The following NAALADL2 variants were observed in gnomAD, a reference collection of about 807,000 sequenced individuals.
NAALADL2 encodes N-acetylated alpha-linked acidic dipeptidase like 2.
NAALADL2 carries 76 observed loss-of-function variants against 87.2 expected under a neutral mutation model. The ratio of observed to expected loss-of-function variants is 0.87; its 90% confidence interval spans 0.72 to 1.05. NAALADL2 has a LOEUF of 1.05. Among genes scored for constraint, NAALADL2 ranks in the 50% least tolerant of loss-of-function variants. The probability of loss-of-function intolerance (pLI) is 0.00; values close to 1 mark genes in which losing one functional copy is unlikely to be tolerated. For missense variants in NAALADL2, 1,089 were observed against 945.8 expected (o/e 1.15, Z -1.99); for synonymous variants, 354 against 331.0 (o/e 1.07, Z -0.75).
intron 1 of NAALADL2, among the ~76,000 whole-genome samples, chr3:174,931,238 T>A (rs1736847025): frequency 6.6e-6 from 1 of 152,144 alleles, no homozygotes; most frequent in African/African-American, 2.4e-5. Context: ...AAATTATATA[T>A]TCATGTAAAA....
chr3:174,568,847 C>A (rs947382770), intron 2 of NAALADL2, among the ~76,000 whole-genome samples: 3 of 150,734 alleles, frequency 2.0e-5, no homozygotes, highest in Non-Finnish European at 3.0e-5. Context: ...AATTATTATT[C>A]TTTTTTTAAG....
At chr3:174,663,508 C>T (rs1725693501) in intron 2 of NAALADL2, among the ~76,000 whole-genome samples, 1 of 152,050 alleles carries the variant, frequency 6.6e-6, no homozygotes, top group African/African-American at 2.4e-5. Flanking sequence ...GGGGAGATGG[C>T]TTGTCACAGG....
intron 1 of NAALADL2, among the ~76,000 whole-genome samples, chr3:174,532,988 G>C (rs557348685): frequency 1.3e-5 from 2 of 151,440 alleles, no homozygotes; most frequent in African/African-American, 4.9e-5. Flanking sequence ...ACAGTACCAG[G>C]TATAATCAGT....
At chr3:174,714,343 C>A (rs1388064784) in intron 2 of NAALADL2, among the ~76,000 whole-genome samples, 1 of 152,072 alleles carries the variant, frequency 6.6e-6, no homozygotes, top group Non-Finnish European at 1.5e-5. Flanking sequence ...TGAAGAAAGT[C>A]GTTGGTAGCT....
chr3:174,892,028 C>T (rs1248303227), intron 1 of NAALADL2, among the ~76,000 whole-genome samples: 1 of 152,082 alleles, frequency 6.6e-6, no homozygotes, highest in Admixed American at 6.6e-5. Flanking sequence ...TGGGGTGCCC[C>T]CTAAAGCAGA....
At chr3:175,436,775 G>A (rs1283845561) in intron 5 of NAALADL2, among the ~76,000 whole-genome samples, 3 of 66,120 alleles carry the variant, frequency 4.5e-5, no homozygotes, top group South Asian at 5.5e-4. Flanking sequence ...AGTAGGTTGC[G>A]AAAATTTTCT....
At chr3:175,062,534 G>A (rs1041147737) in intron 1 of NAALADL2, among the ~76,000 whole-genome samples, 1 of 150,176 alleles carries the variant, frequency 6.7e-6, no homozygotes, top group Non-Finnish European at 1.5e-5. Flanking sequence ...GTTTCCAACT[G>A]TGAATGACAT....
intron 2 of NAALADL2, chr3:175,112,439 ATAAG>A: frequency 6.6e-6 from 1 of 151,804 alleles, no homozygotes. Flanking sequence ...ATTCTGCTTT[ATAAG>A]TAAGTCCAAA....
At chr3:174,841,525 A>T (rs1156303986) in intron 3 of NAALADL2, among the ~76,000 whole-genome samples, 1 of 152,228 alleles carries the variant, frequency 6.6e-6, no homozygotes, top group Non-Finnish European at 1.5e-5. Context: ...TGAAGAAGCT[A>T]AAACTTGGAA....
chr3:175,673,722 C>T (rs1025251339), intron 11 of NAALADL2, among the ~76,000 whole-genome samples: 1 of 151,846 alleles, frequency 6.6e-6, no homozygotes, highest in Non-Finnish European at 1.5e-5. Context: ...ACCAATGTTC[C>T]CAATACCTTC....
chr3:175,094,757 AGTGT>A (rs369083345), intron 1 of NAALADL2, among the ~76,000 whole-genome samples: 7,366 of 126,004 alleles, frequency 0.058, 533 homozygotes, highest in African/African-American at 0.17. Flanking sequence ...CAGACACTAT[AGTGT>A]GTGTGTGTGT....
chr3:174,560,114 C>A (rs1200718953), intron 2 of NAALADL2, among the ~76,000 whole-genome samples: 1 of 151,972 alleles, frequency 6.6e-6, no homozygotes, highest in Non-Finnish European at 1.5e-5. Context: ...CAATGAGGTT[C>A]TTTTTAATTA....
chr3:175,715,934 A>G (rs1374213109), intron 11 of NAALADL2, among the ~76,000 whole-genome samples: 1 of 151,752 alleles, frequency 6.6e-6, no homozygotes, highest in African/African-American at 2.4e-5. Context: ...TGATATGGAA[A>G]TTACTATCTT....
intron 1 of NAALADL2, among the ~76,000 whole-genome samples, chr3:174,920,741 C>T (rs1213826471): frequency 1.3e-5 from 2 of 152,290 alleles, no homozygotes; most frequent in Admixed American, 6.5e-5. Context: ...TTTGGCTTAC[C>T]TTGACTTTCA....
chr3:175,330,450 A>G (rs894165434), intron 5 of NAALADL2, among the ~76,000 whole-genome samples: 2 of 152,122 alleles, frequency 1.3e-5, no homozygotes, highest in African/African-American at 2.4e-5. Context: ...CTTAAAAAAA[A>G]AAAAATTGAA....
At chr3:175,302,398 A>G (rs1001332984) in intron 4 of NAALADL2, among the ~76,000 whole-genome samples, 40 of 152,110 alleles carry the variant, frequency 2.6e-4, no homozygotes, top group African/African-American at 9.7e-4. Context: ...GGCTTAAGGG[A>G]TTTTACAATA....
chr3:174,873,824 G>C (rs1728154481), intron 1 of NAALADL2, among the ~76,000 whole-genome samples: 1 of 151,146 alleles, frequency 6.6e-6, no homozygotes, highest in Non-Finnish European at 1.5e-5. Context: ...CATTCTGCTT[G>C]GAAGGAAACA....
At chr3:174,857,761 G>T (rs562943839), upstream of NAALADL2, among the ~76,000 whole-genome samples, 2 of 152,092 alleles carry the variant, frequency 1.3e-5, no homozygotes, top group South Asian at 4.1e-4. Context: ...TAAATCAGAG[G>T]CTCCTGGCAT....
intron 5 of NAALADL2, among the ~76,000 whole-genome samples, chr3:175,408,786 T>A (rs1027482221): frequency 3.3e-5 from 5 of 152,004 alleles, no homozygotes; most frequent in African/African-American, 1.2e-4. Context: ...TTTCTCTTAT[T>A]TGAATGAATT....
Sources: allele counts gnomAD v4.1 joint callset (sites outside exome capture counted in the v4.1 genomes callset), GRCh38; gene constraint gnomAD v4.1.1; transcripts MANE v1.5; gene names NCBI Gene and HGNC (gene_info 2026-07-23, HGNC 2026-07-21).